Variants in TENM3 observed in about 807,000 individuals in gnomAD.
The protein encoded by TENM3 is teneurin-3.
A neutral mutation model predicts 255.1 loss-of-function variants in TENM3; 63 were observed. The ratio of observed to expected loss-of-function variants is 0.25; its 90% CI spans 0.20 to 0.30. The LOEUF (loss-of-function observed/expected upper bound fraction) is 0.30, where lower values mean the gene tolerates loss of function less well. Among genes scored for constraint, TENM3 ranks in the 10% least tolerant of loss-of-function variants. TENM3 has a pLI of 1.00. For missense variants in TENM3, 2,929 were observed against 3,461.1 expected, an observed-to-expected ratio of 0.85 and a Z score of 3.86; for synonymous variants, 1,306 against 1,322.3, an observed-to-expected ratio of 0.99 and a Z score of 0.27.
the TENM3 span, among the ~76,000 whole-genome samples, chr4:181,576,802 CTTTCT>C: frequency 7.1e-6 from 1 of 141,542 alleles, no homozygotes; most frequent in African/African-American, 2.6e-5. Context: ...TTTTTCTTTT[CTTTCT>C]TTTCTTTTTT....
At chr4:181,666,989 G>T in the TENM3 span, among the ~76,000 whole-genome samples, 3 of 152,156 alleles carry the variant, frequency 2.0e-5, no homozygotes, top group Non-Finnish European at 4.4e-5. Context: ...TCAGTGTACA[G>T]ATGCAGACAT....
chr4:181,948,918 G>C, the TENM3 span, among the ~76,000 whole-genome samples: 1 of 152,020 alleles, frequency 6.6e-6, no homozygotes, highest in Non-Finnish European at 1.5e-5. Context: ...TGCAGTAGGG[G>C]AGTGCTAGTG....
At chr4:182,432,383 TGTA>T (rs1329337300) in intron 3 of TENM3, among the ~76,000 whole-genome samples, 1 of 152,236 alleles carries the variant, frequency 6.6e-6, no homozygotes, top group Non-Finnish European at 1.5e-5. Context: ...TACATTGGAT[TGTA>T]GTCAGGTTAA....
chr4:181,714,612 T>G, the TENM3 span, among the ~76,000 whole-genome samples: 1 of 152,136 alleles, frequency 6.6e-6, no homozygotes. Context: ...TCTTGCTTTC[T>G]CCTCCTTTTA....
chr4:182,684,491 G>A (rs1452052726), intron 11 of TENM3, among the ~76,000 whole-genome samples: 1 of 147,664 alleles, frequency 6.8e-6, no homozygotes, highest in East Asian at 2.0e-4. Flanking sequence ...ATGACGTTGG[G>A]CAATTTATTT....
At chr4:182,532,122 A>T (rs1323947784) in intron 3 of TENM3, among the ~76,000 whole-genome samples, 2 of 152,190 alleles carry the variant, frequency 1.3e-5, no homozygotes, top group Non-Finnish European at 2.9e-5. Flanking sequence ...AACATATTCT[A>T]AATCATTTGG....
chr4:182,508,778 T>G (rs1737085185), intron 3 of TENM3, among the ~76,000 whole-genome samples: 1 of 152,242 alleles, frequency 6.6e-6, no homozygotes, highest in Non-Finnish European at 1.5e-5. Flanking sequence ...AACTTAGACT[T>G]TCAATTAAGC....
chr4:182,295,140 TTTAAA>T (rs1761383439), intron 1 of TENM3, among the ~76,000 whole-genome samples: 2 of 152,200 alleles, frequency 1.3e-5, no homozygotes, highest in African/African-American at 2.4e-5. Flanking sequence ...ATATTTAATA[TTTAAA>T]TTAATTAAAT....
chr4:181,471,863 A>C, the TENM3 span, among the ~76,000 whole-genome samples: 1 of 152,140 alleles, frequency 6.6e-6, no homozygotes, highest in African/African-American at 2.4e-5. Context: ...ACCCAGAAAT[A>C]GTTGTGTATT....
intron 1 of TENM3, among the ~76,000 whole-genome samples, chr4:182,174,943 A>G (rs1049830158): frequency 1.1e-5 from 1 of 87,586 alleles, no homozygotes; most frequent in South Asian, 3.3e-4. Flanking sequence ...CATTATTTCA[A>G]CTGAAATATT....
chr4:182,368,105 T>A (rs1316804591), intron 3 of TENM3, among the ~76,000 whole-genome samples: 1 of 152,236 alleles, frequency 6.6e-6, no homozygotes, highest in Non-Finnish European at 1.5e-5. Flanking sequence ...TTTTAGTTAC[T>A]TCCTGCAAAT....
the TENM3 span, among the ~76,000 whole-genome samples, chr4:181,956,986 G>A: frequency 1.3e-5 from 2 of 152,134 alleles, no homozygotes; most frequent in Non-Finnish European, 2.9e-5. Flanking sequence ...TAAACTTTAA[G>A]CGATAACTCT....
At chr4:182,241,321 G>A (rs1041182316), upstream of TENM3, among the ~76,000 whole-genome samples, 2 of 152,124 alleles carry the variant, frequency 1.3e-5, no homozygotes, top group East Asian at 1.9e-4. Context: ...ATTCAATAAT[G>A]AGAGGTCAAC....
At chr4:182,764,804 G>A (rs1763539004) in intron 22 of TENM3, among the ~76,000 whole-genome samples, 1 of 152,176 alleles carries the variant, frequency 6.6e-6, no homozygotes, top group Non-Finnish European at 1.5e-5. Context: ...TCCGGGGTAG[G>A]CGGGACTCTG....
At chr4:181,582,563 C>T in the TENM3 span, among the ~76,000 whole-genome samples, 2 of 151,386 alleles carry the variant, frequency 1.3e-5, no homozygotes, top group Admixed American at 1.3e-4. Context: ...AGGAGAATCG[C>T]TTGAAGCTGG....
chr4:181,690,895 A>C, the TENM3 span, among the ~76,000 whole-genome samples: 1 of 151,832 alleles, frequency 6.6e-6, no homozygotes, highest in South Asian at 2.1e-4. Context: ...GGGGTAACAG[A>C]ACCATATAGA....
chr4:182,263,130 G>A (rs1029917692), intron 1 of TENM3, among the ~76,000 whole-genome samples: 2 of 152,066 alleles, frequency 1.3e-5, no homozygotes, highest in African/African-American at 4.8e-5. Context: ...TGGCGACCGC[G>A]AAGGGACTGT....
Position 182,740,837 on chromosome 4 carries a change from C to T in TENM3, c.3379+2293C>T, listed in dbSNP as rs563994009. ...AAAATACCAGGGCAGATGTAAAAAC[C>T]GAACTTTCCAAAATGCTGTCCTCAA... On this transcript the variant is annotated intron_variant, in intron 18 of 27. Coordinates refer to ENST00000511685, the MANE Select transcript of TENM3 (RefSeq NM_001080477.4). Among the ~76,000 whole-genome samples the T allele has an allele frequency of 2.6e-5, 4 of 152,116 alleles. No individual in the cohort carries two copies. In the South Asian group the frequency reaches 6.2e-4, roughly 24 times the overall value.
Position 182,583,687 on chromosome 4 carries a change from G to T in TENM3, c.512-17237G>T, listed in dbSNP as rs114918020. Among the ~76,000 whole-genome samples the T allele has an allele frequency of 9.6e-3, 1,457 of 151,718 alleles. 31 individuals are homozygous for T. The highest frequency in any genetic ancestry group is 0.034 in the African/African-American group (1,387 of 41,390). ...CTTGTATTTGAAGTGTTTAATTTTTGAAGTTTTTAAAATTAATGTCAGAAC... is the reference window on the plus strand; with the variant it reads ...CTTGTATTTGAAGTGTTTAATTTTTTAAGTTTTTAAAATTAATGTCAGAAC... On this transcript the variant is annotated intron_variant, in intron 3 of 27. Transcript: ENST00000511685.
Sources: allele counts gnomAD v4.1 joint callset (sites outside exome capture counted in the v4.1 genomes callset), GRCh38; gene constraint gnomAD v4.1.1; transcripts MANE v1.5; gene names NCBI Gene and HGNC (gene_info 2026-07-23, HGNC 2026-07-21).